Variants in CCDC102B observed in about 807,000 individuals in gnomAD.
The protein encoded by CCDC102B is coiled-coil domain-containing protein 102B.
CCDC102B carries 75 observed loss-of-function variants against 57.4 expected under a neutral mutation model. The ratio of observed to expected loss-of-function variants is 1.31; its 90% CI spans 1.08 to 1.58. CCDC102B has a LOEUF of 1.58. Ranked by LOEUF, CCDC102B falls within the 40% of genes most tolerant of loss-of-function variation. CCDC102B has a pLI of 0.00. For missense variants in CCDC102B, 636 were observed against 582.6 expected, an observed-to-expected ratio of 1.09 and a Z score of -0.94; for synonymous variants, 206 against 201.9, an observed-to-expected ratio of 1.02 and a Z score of -0.17.
At chr18:68,832,944 C>G (rs908076508) in intron 1 of CCDC102B, among the ~76,000 whole-genome samples, 1 of 152,026 alleles carries the variant, frequency 6.6e-6, no homozygotes, top group Admixed American at 6.6e-5. Flanking sequence ...ACCTCACAGT[C>G]CCTTTGAGCT....
At chr18:68,750,426 A>G (rs2033800378) in intron 2 of CCDC102B, among the ~76,000 whole-genome samples, 1 of 152,214 alleles carries the variant, frequency 6.6e-6, no homozygotes, top group Non-Finnish European at 1.5e-5. Flanking sequence ...GATTTGACCC[A>G]GCCATCCCAT....
rs547987767 is a variant in CCDC102B at position 68,894,784 on chromosome 18, G to A, written c.1054-2435G>A. ...TCTGCCAATAGTAAAACATCAGAAG[G>A]CATTATTTAAGCTTTGTTGTTGCTA... On this transcript the variant is annotated intron_variant, in intron 5 of 7. Transcript: ENST00000360242. 2.6e-5 allele frequency among the ~76,000 whole-genome samples: 4 copies of A among 151,142 alleles called. No individual in the cohort carries two copies. The South Asian group carries it at 6.3e-4, about 24-fold the overall frequency.
chr18:68,857,203 A>ATT (rs1208433065), intron 4 of CCDC102B, among the ~76,000 whole-genome samples: 1 of 52,960 alleles, frequency 1.9e-5, no homozygotes, highest in Admixed American at 3.2e-4. Flanking sequence ...ATTTTTATAT[A>ATT]ATATATAAAA....
intron 7 of CCDC102B, among the ~76,000 whole-genome samples, chr18:69,033,904 G>A (rs2052215431): frequency 6.6e-6 from 1 of 151,964 alleles, no homozygotes; most frequent in Non-Finnish European, 1.5e-5. Flanking sequence ...TTGGTGTGAA[G>A]TGGTATCATA....
chr18:69,011,252 G>A (rs895770849), intron 7 of CCDC102B, 148 bp downstream of exon 7: 23 of 733,638 alleles, frequency 3.1e-5, no homozygotes, highest in Non-Finnish European at 4.3e-5. Flanking sequence ...AAAAGAGTAA[G>A]GAAATAAGAT....
intron 6 of CCDC102B, among the ~76,000 whole-genome samples, chr18:68,976,673 G>T (rs749218635): frequency 6.6e-6 from 1 of 151,788 alleles, no homozygotes; most frequent in Non-Finnish European, 1.5e-5. Context: ...ATGATTTTGG[G>T]TTTCTGCCTT....
intron 4 of CCDC102B, among the ~76,000 whole-genome samples, chr18:68,865,438 T>C (rs555427662): frequency 1.3e-5 from 2 of 152,268 alleles, no homozygotes; most frequent in East Asian, 3.9e-4. Context: ...GAGAGATTTG[T>C]AGACTTTTGA....
Position 69,017,105 on chromosome 18 carries a change from A to ATTAT in CCDC102B, c.1434+6009_1434+6012dup, listed in dbSNP as rs1001576280. On this transcript the variant is annotated intron_variant, in intron 7 of 7. Coordinates refer to ENST00000360242, the MANE Select transcript of CCDC102B (RefSeq NM_024781.3). ...TTAGTTCCAGTTTCTTTTTTAATTA[A>ATTAT]TTATTTATTTACTTATTTGTTTATT... 2.0e-5 allele frequency among the ~76,000 whole-genome samples: 3 copies of ATTAT among 151,928 alleles called. No individual in the cohort carries two copies. In the South Asian group the frequency reaches 6.2e-4, roughly 32 times the overall value.
intron 6 of CCDC102B, among the ~76,000 whole-genome samples, chr18:68,978,272 C>T (rs2050491994): frequency 6.6e-6 from 1 of 151,832 alleles, no homozygotes; most frequent in Non-Finnish European, 1.5e-5. Flanking sequence ...AATTACTATC[C>T]CCTCTTTATA....
chr18:68,903,229 A>C (rs181061417), intron 6 of CCDC102B, among the ~76,000 whole-genome samples: 1 of 152,184 alleles, frequency 6.6e-6, no homozygotes, highest in Non-Finnish European at 1.5e-5. Context: ...TGAGAAATCA[A>C]AAAAGAACTT....
chr18:68,923,030 A>G (rs1043106724), intron 6 of CCDC102B, among the ~76,000 whole-genome samples: 5 of 152,102 alleles, frequency 3.3e-5, no homozygotes, highest in African/African-American at 1.2e-4. Context: ...TCAATATATT[A>G]CATTGAATGG....
chr18:68,841,993 C>A (rs1568281849), intron 3 of CCDC102B, among the ~76,000 whole-genome samples: 2 of 152,100 alleles, frequency 1.3e-5, no homozygotes, highest in Non-Finnish European at 2.9e-5. Context: ...ACCGCCTTGG[C>A]TTCCCAAAGT....
intron 2 of CCDC102B, among the ~76,000 whole-genome samples, chr18:68,791,622 GTA>G (rs1303073687): frequency 4.7e-5 from 4 of 85,792 alleles, no homozygotes; most frequent in African/African-American, 1.4e-4. Flanking sequence ...TAGAGTGTGT[GTA>G]TGTGTGTGTG....
Position 69,008,608 on chromosome 18 carries a change from G to C in CCDC102B, c.1264-2326G>C, listed in dbSNP as rs930166. Among the ~76,000 whole-genome samples, 31 of 152,298 alleles carry C rather than the reference G, an allele frequency of 2.0e-4. No homozygotes were observed. In the South Asian group the frequency reaches 5.8e-3, roughly 28 times the overall value. On this transcript the variant is annotated intron_variant, in intron 6 of 7. Coordinates refer to ENST00000360242, the MANE Select transcript of CCDC102B (RefSeq NM_024781.3). ...GTGGACATTCTTGAGACAGGCAATA[G>C]TTGATAGGCATGGGGGGCGTTCTCT... is the stretch of plus-strand genomic sequence containing the variant.
chr18:68,798,937 T>G (rs988324674), intron 1 of CCDC102B, among the ~76,000 whole-genome samples: 1 of 151,996 alleles, frequency 6.6e-6, no homozygotes, highest in South Asian at 2.1e-4. Context: ...ATAAGAAAGA[T>G]TCGTCAAAAA....
At chr18:68,905,580 G>C (rs1426277107) in intron 6 of CCDC102B, among the ~76,000 whole-genome samples, 1 of 32,806 alleles carries the variant, frequency 3.0e-5, no homozygotes, top group Non-Finnish European at 6.4e-5. Flanking sequence ...CAATGTTATG[G>C]GACCGCCCTG....
In CCDC102B at chr18:68,897,222, G is replaced by A; in HGVS notation, c.1057G>A (p.Glu353Lys). ...RVICELRAELERLQAENTSEW... is the reference protein window; with the variant it reads ...RVICELRAELKRLQAENTSEW... ...TCTTTGTGTTTTCTGTGTGTAGCTA[G>A]AGAGATTGCAAGCTGAAAATACCTC... The change falls in exon 6 of 8, where the codon GAG becomes AAG. Residue 353 changes from glutamate (E) to lysine (K), a missense_variant. Glu to Lys is a moderately conservative substitution (Grantham distance 56, BLOSUM62 1). Transcript: ENST00000360242. The A allele has an allele frequency of 6.2e-7, 1 of 1,611,520 alleles. No individual in the cohort carries two copies. Among genetic ancestry groups the A allele is most frequent in the East Asian group, 2.2e-5 (1 of 44,856 alleles).
chr18:68,875,462 G>A (rs1201134767), intron 5 of CCDC102B, among the ~76,000 whole-genome samples: 1 of 152,094 alleles, frequency 6.6e-6, no homozygotes, highest in Non-Finnish European at 1.5e-5. Flanking sequence ...ATAATTCTGG[G>A]AAAATATCTT....
At chr18:68,810,282 C>T (rs2036192513) in intron 1 of CCDC102B, among the ~76,000 whole-genome samples, 1 of 151,814 alleles carries the variant, frequency 6.6e-6, no homozygotes, top group Admixed American at 6.6e-5. Context: ...TTTTTTTAAC[C>T]AAACAAGTAA....
Sources: gnomAD v4.1 joint callset for allele counts (sites outside exome capture counted in the v4.1 genomes callset) on GRCh38, gnomAD v4.1.1 for gene constraint, MANE v1.5 for transcripts, NCBI Gene and HGNC (gene_info 2026-07-23, HGNC 2026-07-21) for gene names.